DOCK3: variants seen among roughly 807,000 people sequenced by gnomAD.
DOCK3 encodes the protein dedicator of cytokinesis 3.
Under a neutral mutation model 265.6 loss-of-function variants are expected in DOCK3, and 60 were observed. The ratio of observed to expected loss-of-function variants is 0.23; its 90% CI spans 0.18 to 0.28. The LOEUF (loss-of-function observed/expected upper bound fraction) is 0.28, where lower values mean the gene tolerates loss of function less well. DOCK3 is among the 10% of genes least tolerant of loss of function. The pLI is 1.00. For synonymous variants in DOCK3, 881 were observed against 938.0 expected (o/e 0.94, Z 1.11); for missense variants, 1,981 against 2,594.3 (o/e 0.76, Z 5.14).
intron 3 of DOCK3, among the ~76,000 whole-genome samples, chr3:50,867,561 T>A (rs2047203982): frequency 6.6e-6 from 1 of 151,970 alleles, no homozygotes; most frequent in Non-Finnish European, 1.5e-5. Context: ...TGTGGGTCTG[T>A]TGTATATGGC....
At chr3:51,074,375 A>C (rs780044714) in intron 6 of DOCK3, among the ~76,000 whole-genome samples, 9 of 152,174 alleles carry the variant, frequency 5.9e-5, no homozygotes, top group Non-Finnish European at 1.2e-4. Context: ...CATAAATTAC[A>C]TACCATTTTG....
chr3:50,686,815 A>G (rs1463641145), intron 1 of DOCK3, among the ~76,000 whole-genome samples: 1 of 146,144 alleles, frequency 6.8e-6, no homozygotes, highest in Non-Finnish European at 1.5e-5. Context: ...AGGCTGAGGC[A>G]GGAGAATCGT....
intron 3 of DOCK3, among the ~76,000 whole-genome samples, chr3:50,869,253 C>G (rs1236505178): frequency 6.7e-6 from 1 of 150,350 alleles, no homozygotes; most frequent in Non-Finnish European, 1.5e-5. Context: ...GGATTACAGG[C>G]GTGAGCCGCT....
At chr3:51,280,262 G>C in intron 27 of DOCK3, 58 bp downstream of exon 27, 1 of 1,516,768 alleles carries the variant, frequency 6.6e-7, no homozygotes, top group Non-Finnish European at 9.0e-7. Context: ...CACTCCCCAG[G>C]GGCTTTTTCC....
intron 5 of DOCK3, among the ~76,000 whole-genome samples, chr3:50,963,565 G>C (rs1365879248): frequency 6.6e-6 from 1 of 152,104 alleles, no homozygotes; most frequent in Admixed American, 6.5e-5. Flanking sequence ...CCACGATAAA[G>C]TCAATGGGAC....
intron 1 of DOCK3, among the ~76,000 whole-genome samples, chr3:50,734,602 G>GTTTT (rs771129941): frequency 0.8 from 85,854 of 107,220 alleles, 35,704 homozygotes; most frequent in East Asian, 0.88. Flanking sequence ...TTTACAGTGA[G>GTTTT]TTTTTTTTTT....
At chr3:50,941,922 G>A (rs1393359228) in intron 5 of DOCK3, among the ~76,000 whole-genome samples, 1 of 152,064 alleles carries the variant, frequency 6.6e-6, no homozygotes, top group Non-Finnish European at 1.5e-5. Flanking sequence ...GACTGTTAAG[G>A]CTTAATATGA....
intron 9 of DOCK3, among the ~76,000 whole-genome samples, chr3:51,112,790 A>G (rs2083575439): frequency 6.6e-6 from 1 of 152,144 alleles, no homozygotes; most frequent in Non-Finnish European, 1.5e-5. Flanking sequence ...TAAAGTTTTT[A>G]ATATCCTGGC....
intron 5 of DOCK3, among the ~76,000 whole-genome samples, chr3:50,972,028 A>G (rs568014763): frequency 2.6e-5 from 4 of 152,230 alleles, no homozygotes; most frequent in Non-Finnish European, 5.9e-5. Context: ...TGGACAGACA[A>G]TGCTTTCTAT....
At chr3:51,046,287 T>A (rs950282993) in intron 5 of DOCK3, among the ~76,000 whole-genome samples, 1 of 152,126 alleles carries the variant, frequency 6.6e-6, no homozygotes, top group South Asian at 2.1e-4. Flanking sequence ...AAGCAAAACA[T>A]GTAGAGTGAC....
chr3:51,269,985 A>G (rs1046171366), intron 23 of DOCK3, among the ~76,000 whole-genome samples: 2 of 152,208 alleles, frequency 1.3e-5, no homozygotes, highest in African/African-American at 4.8e-5. Context: ...GTCTAATTCC[A>G]AAACCCATTC....
intron 9 of DOCK3, among the ~76,000 whole-genome samples, chr3:51,102,142 A>G (rs987491972): frequency 6.6e-6 from 1 of 152,214 alleles, no homozygotes; most frequent in Non-Finnish European, 1.5e-5. Context: ...TGGAGTTACA[A>G]TCATTGAGGG....
Position 51,315,016 on chromosome 3 carries a change from G to A in DOCK3, c.3290G>A (p.Gly1097Asp). The A allele has an allele frequency of 6.2e-7, 1 of 1,611,510 alleles. No individual in the cohort carries two copies. The highest frequency in any genetic ancestry group is 8.5e-7 in the Non-Finnish European group (1 of 1,178,394). Residue 1097 changes from glycine (G) to aspartate (D), a missense_variant, in exon 32 of 53, where the codon GGT becomes GAT. This residue lies in a region of DOCK3 where 1,357 missense variants were observed against 1,866.8 expected (regional missense o/e 0.73). Coordinates refer to ENST00000266037, the MANE Select transcript of DOCK3 (RefSeq NM_004947.5). ...HKIHFIPGMIGPFLGVTLVPQ... is the reference protein window; with the variant it reads ...HKIHFIPGMIDPFLGVTLVPQ... ...ATCCACTTTATTCCGGGAATGATTG[G>A]TCCTTTTCTGGGTGTGACACTGGTC...
chr3:50,738,868 T>A (rs1257191465), intron 1 of DOCK3, among the ~76,000 whole-genome samples: 1 of 152,212 alleles, frequency 6.6e-6, no homozygotes, highest in East Asian at 1.9e-4. Context: ...GTATCAATAG[T>A]CTTAAACCAT....
chr3:51,241,838 T>C (rs151302444), intron 21 of DOCK3, among the ~76,000 whole-genome samples: 2,099 of 152,348 alleles, frequency 0.014, 43 homozygotes, highest in Non-Finnish European at 0.016. Flanking sequence ...TTTATCATGA[T>C]TTTTAGCTTC....
At chr3:51,010,376 T>G (rs1305981873) in intron 5 of DOCK3, among the ~76,000 whole-genome samples, 1 of 152,110 alleles carries the variant, frequency 6.6e-6, no homozygotes, top group Admixed American at 6.6e-5. Context: ...TATATAATAG[T>G]CTTCTTTGTC....
intron 1 of DOCK3, among the ~76,000 whole-genome samples, chr3:50,740,756 G>C (rs1340211982): frequency 2.6e-5 from 4 of 151,978 alleles, no homozygotes; most frequent in African/African-American, 4.8e-5. Flanking sequence ...CATGCATTTT[G>C]TTGACCATAA....
chr3:51,238,304 G>A (rs979547098), intron 21 of DOCK3, among the ~76,000 whole-genome samples: 1 of 151,450 alleles, frequency 6.6e-6, no homozygotes, highest in Non-Finnish European at 1.5e-5. Context: ...CACCACACCT[G>A]GCTAATTTTT....
chr3:50,872,119 A>T (rs1320005662), intron 3 of DOCK3, among the ~76,000 whole-genome samples: 2 of 152,184 alleles, frequency 1.3e-5, no homozygotes, highest in Non-Finnish European at 2.9e-5. Flanking sequence ...TGTGGTAGGC[A>T]TTGAAGAGTT....
Sources: allele counts gnomAD v4.1 joint callset (sites outside exome capture counted in the v4.1 genomes callset), GRCh38; gene constraint gnomAD v4.1.1; regional missense constraint gnomAD v4.1.1; transcripts MANE v1.5; gene names NCBI Gene and HGNC (gene_info 2026-07-23, HGNC 2026-07-21).